Variants in NBEA observed in about 807,000 individuals in gnomAD.
The protein encoded by NBEA is lysosomal-trafficking regulator 2.
A neutral mutation model predicts 343.4 loss-of-function variants in NBEA; 44 were observed. The ratio of observed to expected loss-of-function variants is 0.13; its 90% CI spans 0.10 to 0.16. The LOEUF is 0.16. Ranked by LOEUF, NBEA falls within the 10% of genes least tolerant of loss-of-function variation. The pLI, the probability that NBEA is intolerant of heterozygous loss-of-function variation, is 1.00. For missense variants in NBEA, 2,555 were observed against 3,631.3 expected, an observed-to-expected ratio of 0.70 and a Z score of 7.62; for synonymous variants, 1,175 against 1,238.7, an observed-to-expected ratio of 0.95 and a Z score of 1.08.
intron 39 of NBEA, among the ~76,000 whole-genome samples, chr13:35,441,928 C>CT (rs1228186326): frequency 2.2e-4 from 34 of 151,352 alleles, no homozygotes; most frequent in Admixed American, 2.6e-4. Context: ...TCCAGTTAAT[C>CT]TTTTTTTTCA....
intron 28 of NBEA, among the ~76,000 whole-genome samples, chr13:35,178,739 A>C (rs1246494034): frequency 6.6e-6 from 1 of 151,438 alleles, no homozygotes; most frequent in Non-Finnish European, 1.5e-5. Context: ...AGGTTTTTTT[A>C]AAAAGGGAGA....
intron 36 of NBEA, among the ~76,000 whole-genome samples, chr13:35,339,197 GAAGA>G (rs946364913): frequency 1.3e-5 from 2 of 151,494 alleles, no homozygotes; most frequent in African/African-American, 4.9e-5. Context: ...AATTGAAAAC[GAAGA>G]AACAAAACTC....
chr13:35,271,837 C>T (rs751551871), intron 34 of NBEA, among the ~76,000 whole-genome samples: 27 of 151,998 alleles, frequency 1.8e-4, no homozygotes, highest in Non-Finnish European at 2.8e-4. Flanking sequence ...ACAAAGCTTC[C>T]AAGAAATATG....
chr13:35,150,641 TG>T (rs2068716415), intron 18 of NBEA, among the ~76,000 whole-genome samples: 1 of 152,208 alleles, frequency 6.6e-6, no homozygotes, highest in South Asian at 2.1e-4. Flanking sequence ...GAGTTTGAAA[TG>T]TTTTTTTAAT....
chr13:34,962,945 G>C lies in NBEA; in HGVS notation c.294+19831G>C, dbSNP rs1023301831. ...TTGAATACTAGAACTCCAGAATGCTGGTGCTTGATAAGATTTTAAAGATTA... is the reference window on the plus strand; with the variant it reads ...TTGAATACTAGAACTCCAGAATGCTCGTGCTTGATAAGATTTTAAAGATTA... On this transcript the variant is annotated intron_variant, in intron 1 of 58. Transcript: ENST00000379939. Among the ~76,000 whole-genome samples the C allele has an allele frequency of 3.3e-5, 5 of 151,996 alleles. No individual in the cohort carries two copies. In the South Asian group the frequency reaches 1.0e-3, roughly 31 times the overall value.
chr13:35,217,544 T>C (rs1310708164), intron 33 of NBEA, among the ~76,000 whole-genome samples: 1 of 152,084 alleles, frequency 6.6e-6, no homozygotes, highest in Non-Finnish European at 1.5e-5. Context: ...CTGATGTCTG[T>C]GTAAGGTGTG....
chr13:35,668,279 G>C (rs1376062807), intron 57 of NBEA, 89 bp from the exon 58 acceptor site: 1 of 1,313,520 alleles, frequency 7.6e-7, no homozygotes, highest in African/African-American at 1.5e-5. Flanking sequence ...AGTGACAGTT[G>C]GCTATTTAGG....
chr13:35,624,706 A>G (rs1206151769), intron 48 of NBEA, among the ~76,000 whole-genome samples: 3 of 152,208 alleles, frequency 2.0e-5, no homozygotes, highest in African/African-American at 7.2e-5. Context: ...CTGGACACAC[A>G]TACGTTGACA....
intron 40 of NBEA, among the ~76,000 whole-genome samples, chr13:35,471,316 G>A (rs2075638542): frequency 6.6e-6 from 1 of 152,062 alleles, no homozygotes; most frequent in African/African-American, 2.4e-5. Context: ...AGGGCTCTCC[G>A]CCCGGAGGGC....
chr13:35,156,361 G>A (rs1303385512), intron 20 of NBEA, among the ~76,000 whole-genome samples, 155 bp downstream of exon 20: 1 of 151,646 alleles, frequency 6.6e-6, no homozygotes, highest in Non-Finnish European at 1.5e-5. Context: ...TCTGTATTCG[G>A]TATTCTTCTA....
At chr13:35,119,686 C>G (rs1172459922) in intron 16 of NBEA, among the ~76,000 whole-genome samples, 1 of 152,028 alleles carries the variant, frequency 6.6e-6, no homozygotes, top group Non-Finnish European at 1.5e-5. Flanking sequence ...CCCGGGTTCA[C>G]GCCATTCTCC....
At chr13:35,240,536 G>A (rs184566000) in intron 34 of NBEA, among the ~76,000 whole-genome samples, 38 of 151,940 alleles carry the variant, frequency 2.5e-4, no homozygotes, top group African/African-American at 9.2e-4. Flanking sequence ...TATACCATGG[G>A]AACTCAATAA....
intron 36 of NBEA, among the ~76,000 whole-genome samples, chr13:35,333,722 C>T (rs1233696237): frequency 3.3e-5 from 5 of 152,092 alleles, no homozygotes; most frequent in Non-Finnish European, 2.9e-5. Context: ...TTGTAACCAT[C>T]TTTCTACTCT....
chr13:34,961,738 G>T (rs2059668863), intron 1 of NBEA, among the ~76,000 whole-genome samples: 1 of 151,866 alleles, frequency 6.6e-6, no homozygotes, highest in African/African-American at 2.4e-5. Context: ...GGGTATTGTG[G>T]GCTACACTGA....
chr13:35,157,138 TA>T lies in NBEA; in HGVS notation c.2717del (p.Asn906IlefsTer23). 1 of 1,608,390 alleles carries T rather than the reference TA, an allele frequency of 6.2e-7. No individual in the cohort carries two copies. ...WMFSLGYINPKNSEEQKITEM... is the reference protein window; with the variant it reads ...WMFSLGYINPXNSEEQKITEM... ...TGTTTTCTCTTGGCTATATCAATCCTAAAAATTCTGAGGAACAGAAGATTAC... is the reference window on the plus strand; with the variant it reads ...TGTTTTCTCTTGGCTATATCAATCCTAAAATTCTGAGGAACAGAAGATTAC... On this transcript the variant is annotated frameshift_variant, in exon 21 of 59. Transcript: ENST00000379939. LOFTEE classifies it high-confidence loss of function.
At chr13:35,425,385 T>C (rs1018520161) in intron 38 of NBEA, among the ~76,000 whole-genome samples, 2 of 152,236 alleles carry the variant, frequency 1.3e-5, no homozygotes, top group Non-Finnish European at 2.9e-5. Context: ...TCTTTATTTC[T>C]GCCTTCATTT....
intron 1 of NBEA, among the ~76,000 whole-genome samples, chr13:35,014,127 C>A (rs2152535908): frequency 6.8e-6 from 1 of 147,952 alleles, no homozygotes; most frequent in Admixed American, 6.9e-5. Flanking sequence ...CATTCCTTTC[C>A]TGTTATTAGC....
At chr13:35,594,504 A>G (rs1366565287) in intron 47 of NBEA, among the ~76,000 whole-genome samples, 1 of 152,166 alleles carries the variant, frequency 6.6e-6, no homozygotes, top group African/African-American at 2.4e-5. Context: ...AACTTTACAT[A>G]AATGAATATT....
intron 1 of NBEA, among the ~76,000 whole-genome samples, chr13:35,030,756 C>G (rs911760605): frequency 6.6e-6 from 1 of 151,630 alleles, no homozygotes; most frequent in Non-Finnish European, 1.5e-5. Flanking sequence ...AACCATCTCA[C>G]TGTAGAAAGC....
Sources: allele counts gnomAD v4.1 joint callset (sites outside exome capture counted in the v4.1 genomes callset), GRCh38; gene constraint gnomAD v4.1.1; transcripts MANE v1.5; gene names NCBI Gene and HGNC (gene_info 2026-07-23, HGNC 2026-07-21).